The following C1orf105 variants were observed in gnomAD, a reference collection of about 807,000 sequenced individuals.
C1orf105 encodes the protein uncharacterized protein C1orf105.
Under a neutral mutation model 20.8 loss-of-function variants are expected in C1orf105, and 17 were observed. The observed-to-expected ratio is 0.82, with a 90% CI of 0.56 to 1.23. C1orf105 has a LOEUF of 1.23. Among genes scored for constraint, C1orf105 ranks in the 50% most tolerant of loss-of-function variants. The pLI is 0.00. For missense variants in C1orf105, 219 were observed against 213.5 expected (o/e 1.03, Z -0.16); for synonymous variants, 72 against 72.1 (o/e 1.00, Z 0.01).
intron 5 of C1orf105, among the ~76,000 whole-genome samples, chr1:172,463,929 A>G (rs954419745): frequency 1.1e-4 from 17 of 152,224 alleles, no homozygotes; most frequent in South Asian, 2.1e-4. Flanking sequence ...TAGAGTGACT[A>G]TAAAGCAAGG....
intron 4 of C1orf105, among the ~76,000 whole-genome samples, chr1:172,458,913 T>G (rs905440573): frequency 2.0e-5 from 3 of 152,298 alleles, no homozygotes; most frequent in Non-Finnish European, 4.4e-5. Context: ...AATTGATTTT[T>G]GACAAAGGCA....
At chr1:172,432,189 A>G (rs2071894678) in intron 1 of C1orf105, among the ~76,000 whole-genome samples, 1 of 152,212 alleles carries the variant, frequency 6.6e-6, no homozygotes, top group South Asian at 2.1e-4. Context: ...TGAGCAGACA[A>G]CTTCTGCAAA....
intron 1 of C1orf105, among the ~76,000 whole-genome samples, chr1:172,433,310 C>T (rs2071930704): frequency 6.6e-6 from 1 of 152,146 alleles, no homozygotes; most frequent in Non-Finnish European, 1.5e-5. Context: ...GTCAGATTCA[C>T]TAAGGTTGAC....
intron 1 of C1orf105, among the ~76,000 whole-genome samples, chr1:172,426,521 C>T (rs1297193978): frequency 1.3e-5 from 2 of 151,864 alleles, no homozygotes; most frequent in African/African-American, 4.8e-5. Context: ...GGTAATCCAC[C>T]CTCACCCTGC....
chr1:172,445,317 A>G lies in C1orf105; in HGVS notation c.107+159A>G, dbSNP rs554660637. On this transcript the variant is annotated intron_variant, in intron 2 of 6. Transcript: ENST00000367727. Reference sequence around the variant, plus strand: ...TAGAAATAATCCGGGTTTCTCAGAAAAAAATGATCACTGAGTATAGGCCTG... The same window carrying G: ...TAGAAATAATCCGGGTTTCTCAGAAGAAAATGATCACTGAGTATAGGCCTG... 3.3e-5 allele frequency among the ~76,000 whole-genome samples: 5 copies of G among 152,370 alleles called. No individual in the cohort carries two copies. In the South Asian group the frequency reaches 6.2e-4, roughly 19 times the overall value.
intron 4 of C1orf105, among the ~76,000 whole-genome samples, chr1:172,458,624 G>T (rs955360487): frequency 6.6e-6 from 1 of 152,174 alleles, no homozygotes; most frequent in African/African-American, 2.4e-5. Context: ...AATATACTCC[G>T]CCAAACTGAT....
chr1:172,431,094 C>A, intron 1 of C1orf105: 1 of 654,638 alleles, frequency 1.5e-6, no homozygotes, highest in South Asian at 1.7e-5. Flanking sequence ...AAAATTAAGC[C>A]AATTAATAAC....
intron 3 of C1orf105, among the ~76,000 whole-genome samples, chr1:172,449,685 A>G (rs911101633): frequency 6.6e-6 from 1 of 152,134 alleles, no homozygotes. Flanking sequence ...TCAACACCGG[A>G]GTTTCAGGGT....
At chr1:172,445,405 T>C (rs930713028) in intron 2 of C1orf105, among the ~76,000 whole-genome samples, 13 of 152,326 alleles carry the variant, frequency 8.5e-5, no homozygotes, top group East Asian at 3.9e-4. Context: ...CAGTATAAGA[T>C]AATTTTTCCC....
rs765471529 is a variant in C1orf105 at position 172,468,525 on chromosome 1, A to G, written c.483A>G (p.Lys161=). 1 of 1,614,070 alleles carries G rather than the reference A, an allele frequency of 6.2e-7. No homozygotes were observed. Among genetic ancestry groups the G allele is most frequent in the South Asian group, 1.1e-5 (1 of 91,076 alleles). ...VFHGLLTEAY[K]TLKERQRSSL... ...ACGGATTACTGACAGAGGCCTACAA[A>G]ACTCTAAAAGAGAGACAACGTTCTT... The change falls in exon 7 of 7, where the codon AAA becomes AAG. Residue 161 remains lysine (K), a synonymous_variant. Coordinates refer to ENST00000367727, the MANE Select transcript of C1orf105 (RefSeq NM_139240.4).
intron 4 of C1orf105, among the ~76,000 whole-genome samples, chr1:172,459,909 C>T (rs1649569410): frequency 6.6e-6 from 1 of 152,054 alleles, no homozygotes. Flanking sequence ...ATGGATGAAC[C>T]TTGAAAACAT....
At chr1:172,420,931 C>A in intron 1 of C1orf105, 25 bp downstream of exon 1, 1 of 1,584,894 alleles carries the variant, frequency 6.3e-7, no homozygotes, top group Non-Finnish European at 8.7e-7. Flanking sequence ...AATGAAACTT[C>A]CAATTCTTTC....
At chr1:172,428,339 A>G (rs1404930837) in intron 1 of C1orf105, among the ~76,000 whole-genome samples, 15 of 152,146 alleles carry the variant, frequency 9.9e-5, no homozygotes, top group Admixed American at 8.5e-4. Context: ...CAAAATATGT[A>G]TCTTCTTTTT....
chr1:172,453,298 G>A (rs1044280579), intron 3 of C1orf105: 36 of 1,263,766 alleles, frequency 2.8e-5, no homozygotes, highest in Non-Finnish European at 3.6e-5. Flanking sequence ...GACCATTATC[G>A]GTAGGGGAAG....
intron 1 of C1orf105, among the ~76,000 whole-genome samples, chr1:172,422,314 C>A (rs2071612763): frequency 6.6e-6 from 1 of 152,178 alleles, no homozygotes; most frequent in South Asian, 2.1e-4. Flanking sequence ...GGATAGGGTA[C>A]TGGGCAAAAT....
chr1:172,425,555 C>T (rs1004656353), intron 1 of C1orf105, among the ~76,000 whole-genome samples: 1 of 151,968 alleles, frequency 6.6e-6, no homozygotes, highest in African/African-American at 2.4e-5. Context: ...CTCTTGGTGG[C>T]CAAAGGAGTA....
intron 1 of C1orf105, chr1:172,431,112 T>C (rs1250119530): frequency 1.6e-6 from 1 of 642,894 alleles, no homozygotes; most frequent in East Asian, 2.9e-5. Flanking sequence ...AACCCTGCAA[T>C]GGCTTTTAAC....
intron 1 of C1orf105, among the ~76,000 whole-genome samples, chr1:172,427,947 C>G (rs183770981): frequency 2.0e-5 from 3 of 152,120 alleles, no homozygotes; most frequent in East Asian, 1.9e-4. Flanking sequence ...CCTATATTCC[C>G]TTCAACATTT....
intron 1 of C1orf105, among the ~76,000 whole-genome samples, chr1:172,431,735 G>A (rs1038015065): frequency 1.3e-5 from 2 of 152,234 alleles, no homozygotes; most frequent in African/African-American, 4.8e-5. Context: ...CACTGGGCCT[G>A]GTTGGACAGT....
Sources: gnomAD v4.1 joint callset for allele counts (sites outside exome capture counted in the v4.1 genomes callset) on GRCh38, gnomAD v4.1.1 for gene constraint, MANE v1.5 for transcripts, NCBI Gene and HGNC (gene_info 2026-07-23, HGNC 2026-07-21) for gene names.